Variants in NEIL3 observed in about 807,000 individuals in gnomAD.
NEIL3 encodes endonuclease 8-like 3.
Under a neutral mutation model 57.5 loss-of-function variants are expected in NEIL3, and 48 were observed. That is an observed-to-expected ratio of 0.83 (90% CI 0.66 to 1.06). The LOEUF (loss-of-function observed/expected upper bound fraction) is 1.06, where lower values mean the gene tolerates loss of function less well. NEIL3 is among the 50% of genes least tolerant of loss of function. The pLI is 0.00. For missense variants in NEIL3, 717 were observed against 739.1 expected, an observed-to-expected ratio of 0.97 and a Z score of 0.35; for synonymous variants, 261 against 253.2, an observed-to-expected ratio of 1.03 and a Z score of -0.29.
At chr4:177,347,614 G>A (rs1032896588) in intron 6 of NEIL3, among the ~76,000 whole-genome samples, 14 of 152,010 alleles carry the variant, frequency 9.2e-5, no homozygotes, top group African/African-American at 1.2e-4. Flanking sequence ...CGGCAGCATC[G>A]GGGGCTCTCA....
At chr4:177,322,642 A>G (rs971312317) in intron 2 of NEIL3, 62 bp downstream of exon 2, 4 of 1,602,570 alleles carry the variant, frequency 2.5e-6, no homozygotes, top group Non-Finnish European at 3.4e-6. Context: ...AGAAGGCTAG[A>G]TGGAGTTTGC....
chr4:177,358,721 T>C (rs1735541245), intron 8 of NEIL3, among the ~76,000 whole-genome samples: 1 of 152,190 alleles, frequency 6.6e-6, no homozygotes, highest in Non-Finnish European at 1.5e-5. Flanking sequence ...ACCTTCTACC[T>C]TGGCCCTTCT....
At chr4:177,352,269 TC>T (rs1735371147) in intron 7 of NEIL3, among the ~76,000 whole-genome samples, 1 of 152,236 alleles carries the variant, frequency 6.6e-6, no homozygotes, top group African/African-American at 2.4e-5. Context: ...AAGGCAGACA[TC>T]ACCCCTTGCA....
chr4:177,318,538 T>C (rs1734616291), intron 1 of NEIL3, among the ~76,000 whole-genome samples: 4 of 152,212 alleles, frequency 2.6e-5, no homozygotes, highest in Admixed American at 2.6e-4. Context: ...TCAGAACTGA[T>C]AGAGTAAAAT....
chr4:177,357,245 C>T (rs1008885067), intron 8 of NEIL3, among the ~76,000 whole-genome samples: 1 of 152,182 alleles, frequency 6.6e-6, no homozygotes, highest in Non-Finnish European at 1.5e-5. Context: ...TATAATGAAT[C>T]GCCCTATCTA....
chr4:177,353,162 C>A, intron 7 of NEIL3, 146 bp from the exon 8 acceptor site: 1 of 642,788 alleles, frequency 1.6e-6, no homozygotes, highest in Non-Finnish European at 2.6e-6. Context: ...TCTGACTTGT[C>A]TGAGCTAACT....
intron 1 of NEIL3, among the ~76,000 whole-genome samples, chr4:177,317,597 CTTTTT>C (rs745358876): frequency 4.3e-5 from 3 of 70,060 alleles, no homozygotes; most frequent in Non-Finnish European, 7.9e-5. Flanking sequence ...ACTTTCTTTT[CTTTTT>C]TTTTTTTTTT....
rs766906835 is a variant in NEIL3, at chr4:177,353,394, G to A, written c.1126G>A (p.Glu376Lys). 3.2e-5 allele frequency: 52 copies of A among 1,613,530 alleles called. No individual in the cohort carries two copies. The East Asian group carries it at 1.1e-3, about 35-fold the overall frequency. ...TAATACTTTTGGAAAACCTCATACA[G>A]AAGTCAAGATCAACAGAAAAACTGC... ...PCNTFGKPHT[E>K]VKINRKTAFG... is the part of the protein sequence containing the mutation. Residue 376 changes from glutamate to lysine, a missense_variant, in exon 8 of 10, where the codon GAA (glutamate) becomes AAA (lysine). By Grantham distance (56) the Glu-to-Lys change is moderately conservative (BLOSUM62 1). Coordinates refer to ENST00000264596, the MANE Select transcript of NEIL3 (RefSeq NM_018248.3).
At chr4:177,337,102 A>C (rs1003665275) in intron 4 of NEIL3, among the ~76,000 whole-genome samples, 1 of 152,142 alleles carries the variant, frequency 6.6e-6, no homozygotes, top group East Asian at 1.9e-4. Context: ...GCAAAAAAAA[A>C]AAAGTGGTTA....
At chr4:177,356,852 CAATTACTGT>C (rs1385659100) in intron 8 of NEIL3, 2 of 152,092 alleles carry the variant, frequency 1.3e-5, no homozygotes, top group African/African-American at 4.8e-5. Flanking sequence ...GTTGTCGATC[CAATTACTGT>C]AAACACAGAG....
intron 8 of NEIL3, among the ~76,000 whole-genome samples, chr4:177,355,696 G>A (rs1560921897): frequency 6.6e-6 from 1 of 152,038 alleles, no homozygotes; most frequent in Admixed American, 6.6e-5. Context: ...TCTCAGCGGT[G>A]GGGTGAGGGA....
chr4:177,320,482 T>G (rs1391960371), intron 1 of NEIL3, among the ~76,000 whole-genome samples: 13 of 87,736 alleles, frequency 1.5e-4, no homozygotes, highest in African/African-American at 5.0e-4. Flanking sequence ...TTTTTTTTTT[T>G]TTTTTTTTTT....
intron 4 of NEIL3, among the ~76,000 whole-genome samples, chr4:177,339,514 G>A (rs1328635152): frequency 6.6e-6 from 1 of 152,128 alleles, no homozygotes; most frequent in Non-Finnish European, 1.5e-5. Context: ...GTGGAAGTCG[G>A]TCATCATAAA....
Position 177,336,334 on chromosome 4 carries a change from TA to T in NEIL3, c.627+14del, listed in dbSNP as rs1244605981. 1.2e-6 allele frequency: 2 copies of T among 1,606,382 alleles called. No homozygotes were observed. The highest frequency in any genetic ancestry group is 1.3e-5 in the African/African-American group (1 of 74,652). ...CCCAGCTGTTAAAGTAAGTTTTAAG[TA>T]TTTTTTTAATTATCTGTTGATTTTT... On this transcript the variant is annotated intron_variant, in intron 4 of 9. Transcript: ENST00000264596.
intron 2 of NEIL3, among the ~76,000 whole-genome samples, chr4:177,326,972 G>C (rs112829022): frequency 2.0e-5 from 3 of 151,916 alleles, no homozygotes; most frequent in Non-Finnish European, 4.4e-5. Context: ...GTCGAGGTGT[G>C]GGGGGGCATG....
intron 2 of NEIL3, among the ~76,000 whole-genome samples, chr4:177,329,976 ATC>A (rs1421519698): frequency 6.6e-6 from 1 of 151,336 alleles, no homozygotes; most frequent in Non-Finnish European, 1.5e-5. Context: ...CAGTGGAGGG[ATC>A]TCTGCTCATT....
chr4:177,360,555 C>G lies in NEIL3; in HGVS notation c.1513C>G (p.Pro505Ala). ...CCCTCGTACCTTAAATCCTGACAGC[C>G]CTCGCTGCAGTAAACACAACCGCCT... ...DGPRTLNPDS[P>A]RCSKHNRLCI... The change falls in exon 9 of 10, where the codon CCT becomes GCT. Residue 505 changes from proline to alanine, a missense_variant. Transcript: ENST00000264596. The G allele has an allele frequency of 3.1e-6, 5 of 1,613,950 alleles. No homozygotes were observed. Among genetic ancestry groups the G allele is most frequent in the Non-Finnish European group, 4.2e-6 (5 of 1,179,918 alleles).
intron 5 of NEIL3, 105 bp downstream of exon 5, chr4:177,339,962 A>G (rs1365877866): frequency 5.6e-6 from 4 of 714,806 alleles, no homozygotes; most frequent in African/African-American, 5.3e-5. Context: ...TAGTGGAAAG[A>G]GCATGGAGGT....
intron 6 of NEIL3, among the ~76,000 whole-genome samples, chr4:177,350,657 A>G (rs939656632): frequency 2.0e-5 from 3 of 152,180 alleles, no homozygotes; most frequent in African/African-American, 7.2e-5. Flanking sequence ...TAAATATAAA[A>G]CTTTCACATC....
Sources: gnomAD v4.1 joint callset for allele counts (sites outside exome capture counted in the v4.1 genomes callset) on GRCh38, gnomAD v4.1.1 for gene constraint, MANE v1.5 for transcripts, NCBI Gene and HGNC (gene_info 2026-07-23, HGNC 2026-07-21) for gene names.